OR3A3: variants seen among roughly 807,000 people sequenced by gnomAD.
The protein encoded by OR3A3 is olfactory receptor family 3 subfamily A member 3.
For synonymous variants in OR3A3, 103 were observed against 163.9 expected (o/e 0.63, Z 2.84); for missense variants, 275 against 391.4 (o/e 0.70, Z 2.51).
At chr17:3,421,381 G>A (rs779941484) in exon 3 of OR3A3, 1 of 1,614,130 alleles carries the variant, frequency 6.2e-7, no homozygotes, top group South Asian at 1.1e-5. Context: ...CATGAGGCTG[G>A]GTTCAGTGGA....
chr17:3,420,915 G>C, exon 3 of OR3A3: 2 of 1,606,008 alleles, frequency 1.2e-6, no homozygotes, highest in Non-Finnish European at 1.7e-6. Context: ...TCCACCTTCT[G>C]GCTGGGATGG....
exon 3 of OR3A3, chr17:3,421,629 C>T (rs1360054705): frequency 6.4e-6 from 9 of 1,396,494 alleles, no homozygotes; most frequent in African/African-American, 2.9e-5. Flanking sequence ...TTTCTATCTC[C>T]TGATGCCTGA....
At chr17:3,417,442 A>G (rs989302669) in intron 2 of OR3A3, among the ~76,000 whole-genome samples, 1 of 152,140 alleles carries the variant, frequency 6.6e-6, no homozygotes, top group Admixed American at 6.5e-5. Context: ...TCAAACATTT[A>G]TATTTTATTC....
chr17:3,417,250 G>C (rs1027145505), intron 2 of OR3A3, among the ~76,000 whole-genome samples: 2 of 151,636 alleles, frequency 1.3e-5, no homozygotes, highest in Admixed American at 1.3e-4. Flanking sequence ...AATTTCTTTT[G>C]TTTTCTTATT....
chr17:3,420,988 T>A, exon 3 of OR3A3: 1 of 1,613,786 alleles, frequency 6.2e-7, no homozygotes, highest in Admixed American at 1.7e-5. Flanking sequence ...GCCCCTCACC[T>A]ACAGCACCCG....
At chr17:3,421,223 C>A (rs867937628) in exon 3 of OR3A3, 3 of 1,614,178 alleles carry the variant, frequency 1.9e-6, no homozygotes, top group South Asian at 2.2e-5. Flanking sequence ...GCTGTGGCAC[C>A]CTTGGTCTTC....
intron 2 of OR3A3, among the ~76,000 whole-genome samples, chr17:3,420,222 T>C (rs1441537003): frequency 6.6e-6 from 1 of 152,180 alleles, no homozygotes; most frequent in African/African-American, 2.4e-5. Flanking sequence ...AACATATCCA[T>C]CATCTCACAC....
intron 2 of OR3A3, among the ~76,000 whole-genome samples, chr17:3,420,036 G>A (rs2072419672): frequency 6.6e-6 from 1 of 152,028 alleles, no homozygotes; most frequent in South Asian, 2.1e-4. Flanking sequence ...CAAAGTGCTG[G>A]GATTACAGGC....
At chr17:3,420,449 A>T in intron 2 of OR3A3, 131 bp from the exon 3 acceptor site, 1 of 1,460,220 alleles carries the variant, frequency 6.8e-7, no homozygotes, top group East Asian at 2.3e-5. Context: ...GAGCAAGGTA[A>T]AGGCATTGAG....
chr17:3,414,135 A>G (rs1033585724), intron 2 of OR3A3, among the ~76,000 whole-genome samples: 42 of 151,948 alleles, frequency 2.8e-4, no homozygotes, highest in Admixed American at 2.3e-3. Flanking sequence ...GCAGTGGCGC[A>G]ATTTCAGCTC....
At chr17:3,419,229 C>G (rs1382530851) in intron 2 of OR3A3, among the ~76,000 whole-genome samples, 1 of 152,196 alleles carries the variant, frequency 6.6e-6, no homozygotes, top group Non-Finnish European at 1.5e-5. Flanking sequence ...CTGGGCTGGT[C>G]TTTCTGACAT....
chr17:3,413,612 A>G (rs1489249683), intron 2 of OR3A3, among the ~76,000 whole-genome samples: 2 of 152,114 alleles, frequency 1.3e-5, no homozygotes, highest in Non-Finnish European at 2.9e-5. Flanking sequence ...CAGTTGTTCG[A>G]GACCAACCTG....
chr17:3,420,249 C>T (rs530790734), intron 2 of OR3A3, among the ~76,000 whole-genome samples: 13 of 152,246 alleles, frequency 8.5e-5, no homozygotes, highest in South Asian at 8.3e-4. Context: ...CCATTTTCCC[C>T]CTTCCGGCAA....
At chr17:3,421,524 A>G in exon 3 of OR3A3, 1 of 1,525,554 alleles carries the variant, frequency 6.6e-7, no homozygotes, top group Non-Finnish European at 8.8e-7. Context: ...GGAAGCGATC[A>G]CTGACCTGAG....
At chr17:3,422,558 A>G (rs1271405499) in exon 3 of OR3A3, 1 of 151,974 alleles carries the variant, frequency 6.6e-6, no homozygotes, top group Admixed American at 6.5e-5. Flanking sequence ...ACCTCCTTCT[A>G]ACTTTAACTT....
intron 2 of OR3A3, among the ~76,000 whole-genome samples, chr17:3,416,391 A>G (rs1370014896): frequency 6.6e-6 from 1 of 151,866 alleles, no homozygotes; most frequent in Non-Finnish European, 1.5e-5. Context: ...TTATGATTTC[A>G]TATTTTCTTT....
exon 3 of OR3A3, chr17:3,424,064 AT>A (rs1201141259): frequency 6.6e-6 from 1 of 151,864 alleles, no homozygotes; most frequent in Non-Finnish European, 1.5e-5. Flanking sequence ...CTGCTTTATG[AT>A]TTTCCCTACA....
exon 3 of OR3A3, chr17:3,421,478 C>T: frequency 6.4e-7 from 1 of 1,569,012 alleles, no homozygotes; most frequent in Non-Finnish European, 8.6e-7. Context: ...CTCAGAAATA[C>T]TGATGTTCAG....
chr17:3,415,319 G>A (rs1439379527), intron 2 of OR3A3, among the ~76,000 whole-genome samples: 1 of 151,740 alleles, frequency 6.6e-6, no homozygotes, highest in Non-Finnish European at 1.5e-5. Flanking sequence ...CCAGCACTTT[G>A]GGAGGCCGAG....
Sources: gnomAD v4.1 joint callset for allele counts (sites outside exome capture counted in the v4.1 genomes callset) on GRCh38, gnomAD v4.1.1 for gene constraint, MANE v1.5 for transcripts, NCBI Gene and HGNC (gene_info 2026-07-23, HGNC 2026-07-21) for gene names.